Variants in CNTN5 observed in about 807,000 individuals in gnomAD.
CNTN5 encodes the protein contactin-5.
A neutral mutation model predicts 129.1 loss-of-function variants in CNTN5; 77 were observed. That is an observed-to-expected ratio of 0.60 (90% CI 0.50 to 0.72). The LOEUF (loss-of-function observed/expected upper bound fraction) is 0.72. CNTN5 is among the 30% of genes least tolerant of loss of function. CNTN5 has a pLI of 0.00. For missense variants in CNTN5, 1,478 were observed against 1,328.8 expected (o/e 1.11, Z -1.75); for synonymous variants, 509 against 465.6 (o/e 1.09, Z -1.20).
At chr11:99,631,354 T>C in intron 3 of CNTN5, among the ~76,000 whole-genome samples, 1 of 152,114 alleles carries the variant, frequency 6.6e-6, no homozygotes, top group Non-Finnish European at 1.5e-5. Flanking sequence ...TCAACCTGTA[T>C]AGTAATAGCA....
chr11:100,313,303 T>G (rs1160272201), intron 21 of CNTN5, among the ~76,000 whole-genome samples: 1 of 151,988 alleles, frequency 6.6e-6, no homozygotes, highest in Non-Finnish European at 1.5e-5. Context: ...GACCTAGACT[T>G]CAGCCAAAGC....
At chr11:99,373,035 C>T (rs1358933725) in intron 2 of CNTN5, among the ~76,000 whole-genome samples, 1 of 151,866 alleles carries the variant, frequency 6.6e-6, no homozygotes, top group East Asian at 2.0e-4. Flanking sequence ...TTGGTAAAAC[C>T]CTGTCTCTAC....
chr11:99,461,009 G>T (rs1462641239), intron 2 of CNTN5, among the ~76,000 whole-genome samples: 1 of 151,978 alleles, frequency 6.6e-6, no homozygotes. Context: ...AGGTGAATGG[G>T]TAAATAAATT....
chr11:100,116,709 T>A (rs1171433380), intron 13 of CNTN5, among the ~76,000 whole-genome samples: 1 of 152,020 alleles, frequency 6.6e-6, no homozygotes. Flanking sequence ...CTTAATCTAT[T>A]ATTCTTGACT....
chr11:99,775,054 C>T (rs1385457089), intron 3 of CNTN5, among the ~76,000 whole-genome samples: 1 of 152,006 alleles, frequency 6.6e-6, no homozygotes, highest in Non-Finnish European at 1.5e-5. Context: ...AGTATTGTGG[C>T]CAATCCTTTA....
At chr11:99,184,769 AAGT>A (rs750758221) in intron 1 of CNTN5, among the ~76,000 whole-genome samples, 1 of 152,084 alleles carries the variant, frequency 6.6e-6, no homozygotes, top group Non-Finnish European at 1.5e-5. Context: ...ATGGAAAATA[AAGT>A]AGCTGGTTGG....
intron 2 of CNTN5, among the ~76,000 whole-genome samples, chr11:99,360,332 C>T (rs1385915430): frequency 6.6e-6 from 1 of 152,164 alleles, no homozygotes; most frequent in Admixed American, 6.6e-5. Flanking sequence ...GTCTCAGGAG[C>T]AGTTCTCCCT....
chr11:99,853,361 G>C (rs1947934144), intron 6 of CNTN5, among the ~76,000 whole-genome samples: 1 of 151,880 alleles, frequency 6.6e-6, no homozygotes. Flanking sequence ...TAGCAGGTAT[G>C]TGTGTATATG....
chr11:100,256,207 C>A (rs1250398379), intron 17 of CNTN5, among the ~76,000 whole-genome samples: 1 of 152,030 alleles, frequency 6.6e-6, no homozygotes, highest in African/African-American at 2.4e-5. Flanking sequence ...TCCTGTGGAC[C>A]CACTCCCCAG....
chr11:100,195,054 G>GTT (rs1948601200), intron 15 of CNTN5, among the ~76,000 whole-genome samples: 1 of 150,260 alleles, frequency 6.7e-6, no homozygotes, highest in Non-Finnish European at 1.5e-5. Flanking sequence ...CTGCTTTATG[G>GTT]TTTTCCTTCT....
At position 99,819,628 on chromosome 11, in the gene CNTN5, G is replaced by A. The variant is rs1946725431; in HGVS notation, c.140G>A (p.Gly47Asp). ...IKKSSSSSLF[G>D]SKTRPRYSSP... ...AAGAGTTCATCTTCATCTCTCTTTG[G>A]TTCCAAAACCAGACCACGATACAGC... Residue 47 changes from glycine (G) to aspartate (D), a missense_variant, in exon 4 of 25, where the codon GGT (glycine) becomes GAT (aspartate). Gly to Asp is a moderately conservative substitution (Grantham distance 94). Transcript: ENST00000524871. The A allele has an allele frequency of 3.1e-6, 5 of 1,612,932 alleles. No homozygotes were observed. The highest frequency in any genetic ancestry group is 1.7e-5 in the Admixed American group (1 of 60,012).
At chr11:99,441,044 A>C (rs2726407) in intron 2 of CNTN5, among the ~76,000 whole-genome samples, 141,794 of 152,162 alleles carry the variant, frequency 0.93, 66,589 homozygotes, top group Non-Finnish European at 0.99. Flanking sequence ...GGTCTGAAAC[A>C]CATAGCCTCA....
At chr11:99,380,081 C>CTGTG (rs10671165) in intron 2 of CNTN5, among the ~76,000 whole-genome samples, 22,130 of 148,172 alleles carry the variant, frequency 0.15, 1,735 homozygotes, top group East Asian at 0.24. Context: ...AATGGTGTGT[C>CTGTG]TGTGTGTGTG....
Position 99,916,069 on chromosome 11 carries a change from G to C in CNTN5, c.593G>C (p.Ser198Thr). 6.2e-7 allele frequency: 1 copy of C among 1,611,936 alleles called. No individual in the cohort carries two copies. The highest frequency in any genetic ancestry group is 1.1e-5 in the South Asian group (1 of 90,752). The change falls in exon 7 of 25, where the codon AGT becomes ACT. Residue 198 changes from serine (S) to threonine (T), a missense_variant. By Grantham distance (58) the Ser-to-Thr change is moderately conservative. Transcript: ENST00000524871. ...ATGTTGACAGATCTGGGAAATTTTA[G>C]TGGCCGGACAAGAAGTGCAGTCTCT... ...TLQFAYLGNFSGRTRSAVSVR... is the reference protein window; with the variant it reads ...TLQFAYLGNFTGRTRSAVSVR...
chr11:100,220,533 A>G (rs901884998), intron 15 of CNTN5, among the ~76,000 whole-genome samples: 1 of 152,212 alleles, frequency 6.6e-6, no homozygotes, highest in Non-Finnish European at 1.5e-5. Context: ...AGGTATTTCC[A>G]TAGCTTACTC....
chr11:100,267,059 A>G lies in CNTN5; in HGVS notation c.2165-4033A>G, dbSNP rs79235544. 3.5e-3 allele frequency among the ~76,000 whole-genome samples: 528 copies of G among 152,228 alleles called. 14 individuals are homozygous for G. The East Asian group carries it at 0.04, about 12-fold the overall frequency. The stretch of plus-strand genomic sequence containing the variant: ...AGTATCTTAGAAGTTGATGAGTACT[A>G]TGGGGGAAAATAAATTAAATGGAGT... On this transcript the variant is annotated intron_variant, in intron 17 of 24. Coordinates refer to ENST00000524871, the MANE Select transcript of CNTN5 (RefSeq NM_014361.4).
At chr11:100,270,186 G>A (rs1950384517) in intron 17 of CNTN5, among the ~76,000 whole-genome samples, 1 of 152,174 alleles carries the variant, frequency 6.6e-6, no homozygotes, top group Admixed American at 6.5e-5. Context: ...CTTTCACAGA[G>A]CTACTTATTT....
chr11:99,166,366 AC>A (rs1297676519), intron 1 of CNTN5, among the ~76,000 whole-genome samples: 1 of 144,744 alleles, frequency 6.9e-6, no homozygotes, highest in Non-Finnish European at 1.5e-5. Context: ...GCGCCATTGC[AC>A]CCAGCCTGGG....
chr11:99,881,367 G>A (rs947729891), intron 6 of CNTN5, among the ~76,000 whole-genome samples: 2 of 152,124 alleles, frequency 1.3e-5, no homozygotes, highest in African/African-American at 4.8e-5. Context: ...TAGCCAGAAC[G>A]GAGAATGTTT....
Sources: gnomAD v4.1 joint callset for allele counts (sites outside exome capture counted in the v4.1 genomes callset) on GRCh38, gnomAD v4.1.1 for gene constraint, MANE v1.5 for transcripts, NCBI Gene and HGNC (gene_info 2026-07-23, HGNC 2026-07-21) for gene names.